Variants in CYP7B1 observed in about 807,000 individuals in gnomAD.
CYP7B1 encodes cytochrome P450 family 7 subfamily B member 1, also known as cytochrome P450 7B1.
CYP7B1 carries 29 observed loss-of-function variants against 42.7 expected under a neutral mutation model. The observed-to-expected ratio is 0.68, with a 90% CI of 0.51 to 0.93. The LOEUF (loss-of-function observed/expected upper bound fraction) is 0.93, where lower values mean the gene tolerates loss of function less well. CYP7B1 is among the 40% of genes least tolerant of loss of function. The pLI, the probability that CYP7B1 is intolerant of heterozygous loss-of-function variation, is 0.00. For synonymous variants in CYP7B1, 235 were observed against 218.2 expected, an observed-to-expected ratio of 1.08 and a Z score of -0.68; for missense variants, 655 against 600.5, an observed-to-expected ratio of 1.09 and a Z score of -0.95.
intron 1 of CYP7B1, among the ~76,000 whole-genome samples, chr8:64,691,333 C>T (rs148863322): frequency 1.3e-5 from 2 of 152,144 alleles, no homozygotes; most frequent in African/African-American, 2.4e-5. Context: ...CAGGAGAAAC[C>T]AAATGGCTAC....
At position 64,691,492 on chromosome 8, in the gene CYP7B1, G is replaced by GGT. The variant is rs902197174; in HGVS notation, c.123-66954_123-66953insAC. 3.7e-4 allele frequency among the ~76,000 whole-genome samples: 55 copies of GGT among 147,650 alleles called. 2 individuals are homozygous for GGT. Among genetic ancestry groups the GGT allele is most frequent in the East Asian group, 3.0e-3 (15 of 4,980 alleles). On this transcript the variant is annotated intron_variant, in intron 1 of 5. Transcript: ENST00000310193. Reference sequence around the variant, plus strand: ...GGTTGCGATGGCAACTGGGGGGGGGGGGTGGTGGTTAAAGCTGGAATGTGG... The same window carrying GGT: ...GGTTGCGATGGCAACTGGGGGGGGGGGTGGTGGTGGTTAAAGCTGGAATGTGG...
chr8:64,626,068 G>A (rs1805605469), intron 1 of CYP7B1, among the ~76,000 whole-genome samples: 1 of 152,060 alleles, frequency 6.6e-6, no homozygotes, highest in African/African-American at 2.4e-5. Context: ...AGAACTAGAT[G>A]GCACCTTGGA....
chr8:64,783,024 T>C (rs1226419507), intron 1 of CYP7B1, among the ~76,000 whole-genome samples: 1 of 152,144 alleles, frequency 6.6e-6, no homozygotes, highest in African/African-American at 2.4e-5. Context: ...TCTCTATTAA[T>C]CAAGAGCCAC....
At chr8:64,780,101 G>A (rs527419393) in intron 1 of CYP7B1, among the ~76,000 whole-genome samples, 22 of 152,148 alleles carry the variant, frequency 1.4e-4, no homozygotes, top group Non-Finnish European at 2.4e-4. Context: ...TCACAATTAG[G>A]TAAGCATTTG....
chr8:64,717,117 T>G (rs1807167235), intron 1 of CYP7B1, among the ~76,000 whole-genome samples: 1 of 152,242 alleles, frequency 6.6e-6, no homozygotes, highest in South Asian at 2.1e-4. Context: ...ATACTATGTC[T>G]GATATTAATA....
chr8:64,721,290 C>T (rs1476834509), intron 1 of CYP7B1, among the ~76,000 whole-genome samples: 1 of 152,062 alleles, frequency 6.6e-6, no homozygotes, highest in East Asian at 1.9e-4. Context: ...AACATCTGCC[C>T]TGACTGCTAG....
At chr8:64,793,162 A>AT (rs1804647985) in intron 1 of CYP7B1, among the ~76,000 whole-genome samples, 1 of 152,194 alleles carries the variant, frequency 6.6e-6, no homozygotes, top group African/African-American at 2.4e-5. Context: ...ACTAAGGTCT[A>AT]TTTTGGGTCT....
At chr8:64,764,996 A>G (rs1022224112) in intron 1 of CYP7B1, among the ~76,000 whole-genome samples, 2 of 151,994 alleles carry the variant, frequency 1.3e-5, no homozygotes, top group Non-Finnish European at 2.9e-5. Flanking sequence ...AAAAAACACA[A>G]TGGATATTCA....
intron 1 of CYP7B1, among the ~76,000 whole-genome samples, chr8:64,644,910 C>A (rs1348372351): frequency 7.1e-6 from 1 of 141,432 alleles, no homozygotes; most frequent in Admixed American, 7.1e-5. Context: ...TCCCTCCCCC[C>A]TCCCCCCATC....
Position 64,596,250 on chromosome 8 carries a change from C to T in CYP7B1, c.*392G>A. 5.8e-6 allele frequency: 1 copy of T among 173,514 alleles called. No homozygotes were observed. The highest frequency in any genetic ancestry group is 1.6e-4 in the East Asian group (1 of 6,194). The allele number at this position is 173,514 out of a possible 1,614,324, so 10.7% of individuals were successfully genotyped here. On this transcript the variant is annotated 3_prime_UTR_variant, in exon 6 of 6. Transcript: ENST00000310193. ...GAATTTGTTAGACTGTGTCCATTTC[C>T]AGCACAATTTTCTAGTAGTTCAAAG...
At chr8:64,736,903 C>T (rs569531989) in intron 1 of CYP7B1, among the ~76,000 whole-genome samples, 2 of 152,236 alleles carry the variant, frequency 1.3e-5, no homozygotes, top group South Asian at 2.1e-4. Context: ...CCTAGTAATA[C>T]TTGAGGCTGA....
chr8:64,709,154 C>T (rs1241694150), intron 1 of CYP7B1, among the ~76,000 whole-genome samples: 1 of 152,164 alleles, frequency 6.6e-6, no homozygotes, highest in African/African-American at 2.4e-5. Flanking sequence ...GGGGTGTGTG[C>T]TCTGAAGACA....
At chr8:64,612,259 T>C (rs1197577176) in intron 4 of CYP7B1, among the ~76,000 whole-genome samples, 1 of 152,092 alleles carries the variant, frequency 6.6e-6, no homozygotes, top group Non-Finnish European at 1.5e-5. Context: ...TTCCATTCTA[T>C]CAGCAATTTT....
intron 1 of CYP7B1, among the ~76,000 whole-genome samples, chr8:64,661,947 A>T (rs906114939): frequency 6.6e-5 from 10 of 152,178 alleles, no homozygotes; most frequent in Admixed American, 1.3e-4. Context: ...ACATTCAATG[A>T]ATTCCAGGCC....
At position 64,604,806 on chromosome 8, in the gene CYP7B1, C is replaced by T. The variant is rs1805253922; in HGVS notation, c.1109G>A (p.Arg370His). Residue 370 changes from arginine to histidine, a missense_variant, in exon 5 of 6, where the codon CGT (arginine) becomes CAT (histidine). Arg to His is a conservative substitution (Grantham distance 29). Transcript: ENST00000310193. ...GAGAGTCAAATCCTCCTCAACAAAA[C>T]GAATGGTGGTTGAATATGAGGACAG... ...LRLSSYSTTIRFVEEDLTLSS... is the reference protein window; with the variant it reads ...LRLSSYSTTIHFVEEDLTLSS... The T allele has an allele frequency of 1.9e-6, 3 of 1,614,052 alleles. No homozygotes were observed. The highest frequency in any genetic ancestry group is 1.1e-5 in the South Asian group (1 of 91,066).
At chr8:64,683,264 A>G (rs1164024264) in intron 1 of CYP7B1, among the ~76,000 whole-genome samples, 3 of 152,248 alleles carry the variant, frequency 2.0e-5, no homozygotes, top group South Asian at 4.1e-4. Flanking sequence ...TAGCCATTAA[A>G]AAGAATGAGA....
At chr8:64,614,116 A>C (rs1014228053) in intron 4 of CYP7B1, among the ~76,000 whole-genome samples, 1 of 152,178 alleles carries the variant, frequency 6.6e-6, no homozygotes, top group Non-Finnish European at 1.5e-5. Context: ...GAGAGAATAG[A>C]GAATAACTCA....
At chr8:64,669,770 C>G (rs1339341476) in intron 1 of CYP7B1, among the ~76,000 whole-genome samples, 1 of 151,806 alleles carries the variant, frequency 6.6e-6, no homozygotes, top group Non-Finnish European at 1.5e-5. Context: ...TCCCCAGCAA[C>G]TCTGGAGGTT....
intron 1 of CYP7B1, among the ~76,000 whole-genome samples, chr8:64,771,088 G>GTTTTTTTTTT (rs1804217256): frequency 1.6e-5 from 1 of 64,058 alleles, no homozygotes; most frequent in Non-Finnish European, 2.8e-5. Flanking sequence ...TTTAGACAGG[G>GTTTTTTTTTT]TCTTGCTCTG....
Sources: allele counts gnomAD v4.1 joint callset (sites outside exome capture counted in the v4.1 genomes callset), GRCh38; gene constraint gnomAD v4.1.1; transcripts MANE v1.5; gene names NCBI Gene and HGNC (gene_info 2026-07-23, HGNC 2026-07-21).